The following ANK2 variants were observed in gnomAD, a reference collection of about 807,000 sequenced individuals.
ANK2 encodes ankyrin-2.
In ANK2, 83 loss-of-function variants were observed where a neutral mutation model predicts 360.5. The observed-to-expected ratio is 0.23, with a 90% confidence interval of 0.19 to 0.28. ANK2 has a LOEUF of 0.28. ANK2 is among the 10% of genes least tolerant of loss of function. ANK2 has a pLI of 1.00. For missense variants in ANK2, 4,201 were observed against 4,795.7 expected, an observed-to-expected ratio of 0.88 and a Z score of 3.66; for synonymous variants, 1,740 against 1,759.5, an observed-to-expected ratio of 0.99 and a Z score of 0.28.
chr4:112,796,797 A>C, the ANK2 span, among the ~76,000 whole-genome samples: 1 of 152,178 alleles, frequency 6.6e-6, no homozygotes, highest in Non-Finnish European at 1.5e-5. Flanking sequence ...GAAAGTGTTT[A>C]ACAATGATCA....
intron 22 of ANK2, among the ~76,000 whole-genome samples, chr4:113,297,967 G>A (rs1005141450): frequency 6.6e-6 from 1 of 151,962 alleles, no homozygotes; most frequent in African/African-American, 2.4e-5. Flanking sequence ...GTATTGTTTT[G>A]TAGAGACGGG....
Position 113,232,245 on chromosome 4 carries a change from A to G in ANK2, c.469A>G (p.Ser157Gly). Residue 157 changes from serine to glycine, a missense_variant, in exon 5 of 46, where the codon AGC becomes GGC. Physicochemically the swap from Ser to Gly is moderately conservative, Grantham distance 56 (BLOSUM62 0). Coordinates refer to ENST00000357077, the MANE Select transcript of ANK2 (RefSeq NM_001148.6). ...TTTGCTGGAAAATGGAGCTAATCAGAGCACTGCTACAGAGGTAAGACTGTC... is the reference window on the plus strand; with the variant it reads ...TTTGCTGGAAAATGGAGCTAATCAGGGCACTGCTACAGAGGTAAGACTGTC... ...KYLLENGANQ[S>G]TATEDGFTPL... 6.3e-7 allele frequency: 1 copy of G among 1,588,856 alleles called. No individual in the cohort carries two copies. The highest frequency in any genetic ancestry group is 8.6e-7 in the Non-Finnish European group (1 of 1,157,210).
At chr4:112,995,583 A>T (rs1348591368) in intron 2 of ANK2, among the ~76,000 whole-genome samples, 3 of 152,184 alleles carry the variant, frequency 2.0e-5, no homozygotes, top group Non-Finnish European at 4.4e-5. Context: ...GCTGTGCAGA[A>T]GCTCTTTAGT....
chr4:113,378,120 G>A (rs1207389094), intron 45 of ANK2: 1 of 1,279,854 alleles, frequency 7.8e-7, no homozygotes. Context: ...CCACATGAAA[G>A]TCCACTTACC....
chr4:112,967,423 C>A (rs375860391), intron 2 of ANK2, among the ~76,000 whole-genome samples: 16 of 152,346 alleles, frequency 1.1e-4, no homozygotes, highest in African/African-American at 3.8e-4. Flanking sequence ...GCGTAATAAC[C>A]TTTTCCCTCA....
intron 1 of ANK2, among the ~76,000 whole-genome samples, chr4:112,819,457 A>C (rs1342468129): frequency 6.6e-6 from 1 of 152,232 alleles, no homozygotes; most frequent in Non-Finnish European, 1.5e-5. Context: ...TTAGGCATTG[A>C]AGAAACTTTT....
Position 113,360,714 on chromosome 4 carries a change from T to C in ANK2, c.10682-109T>C. The C allele has an allele frequency of 3.2e-6, 3 of 929,920 alleles. No individual in the cohort carries two copies. In the South Asian group the frequency reaches 4.2e-5, roughly 13 times the overall value. The allele number at this position is 929,920 out of a possible 1,614,324, so 57.6% of individuals were successfully genotyped here. A position where few individuals can be genotyped will look rare whatever the true frequency, so the allele number is the denominator to read the frequency against. On this transcript the variant is annotated intron_variant, in intron 38 of 45. Transcript: ENST00000357077. ...GATCTGAAATGTAGTATCTAGTTTGTGCTTTCAAATATTTGGAGAAGTGAC... is the reference window on the plus strand; with the variant it reads ...GATCTGAAATGTAGTATCTAGTTTGCGCTTTCAAATATTTGGAGAAGTGAC...
In ANK2 at chr4:113,335,920, G is replaced by A; in HGVS notation, c.3454G>A (p.Ala1152Thr). Residue 1152 changes from alanine to threonine, a missense_variant, in exon 30 of 46, where the codon GCA becomes ACA. Ala to Thr is a moderately conservative substitution (Grantham distance 58). Around this residue, in one of 4 missense-constraint regions of ANK2, gnomAD observed 1,268 missense variants for 1,650.8 expected, o/e 0.77. Coordinates refer to ENST00000357077, the MANE Select transcript of ANK2 (RefSeq NM_001148.6). ...CACCCGAGACTTCCCACAGTACTTTGCAGTGGTGTCTCGTATCAAACAGGA... is the reference window on the plus strand; with the variant it reads ...CACCCGAGACTTCCCACAGTACTTTACAGTGGTGTCTCGTATCAAACAGGA... ...IITRDFPQYF[A>T]VVSRIKQDSN... The A allele has an allele frequency of 6.2e-7, 1 of 1,614,156 alleles. No homozygotes were observed. The highest frequency in any genetic ancestry group is 8.5e-7 in the Non-Finnish European group (1 of 1,180,024).
chr4:112,981,204 G>C (rs1382562912), intron 2 of ANK2, among the ~76,000 whole-genome samples: 1 of 152,254 alleles, frequency 6.6e-6, no homozygotes, highest in African/African-American at 2.4e-5. Context: ...ACTGGCATAT[G>C]ATTAAGGGAA....
chr4:112,772,797 G>A, the ANK2 span, among the ~76,000 whole-genome samples: 4 of 152,242 alleles, frequency 2.6e-5, no homozygotes, highest in East Asian at 7.7e-4. Flanking sequence ...TTAGCTGTTG[G>A]TGCAGTTGCT....
chr4:112,797,218 T>C, the ANK2 span: 1 of 156,134 alleles, frequency 6.4e-6, no homozygotes. Flanking sequence ...CACTCTCTTC[T>C]TCCTGTAGAC....
chr4:112,933,302 C>T (rs2093423422), intron 2 of ANK2, among the ~76,000 whole-genome samples: 1 of 152,140 alleles, frequency 6.6e-6, no homozygotes, highest in Admixed American at 6.5e-5. Flanking sequence ...CTTTACAAGT[C>T]TCCCTCTGCT....
chr4:113,162,977 T>C (rs1282728515), intron 1 of ANK2, among the ~76,000 whole-genome samples: 1 of 152,174 alleles, frequency 6.6e-6, no homozygotes, highest in African/African-American at 2.4e-5. Flanking sequence ...GCTTGAGAAA[T>C]TGAAAGCTAT....
intron 1 of ANK2, among the ~76,000 whole-genome samples, chr4:113,156,389 A>T (rs62313836): frequency 1.4e-5 from 2 of 137,934 alleles, no homozygotes; most frequent in African/African-American, 5.4e-5. Flanking sequence ...TTTGTTTTTG[A>T]GACAGAGTTT....
chr4:112,705,910 C>A, the ANK2 span, among the ~76,000 whole-genome samples: 1 of 151,384 alleles, frequency 6.6e-6, no homozygotes, highest in Non-Finnish European at 1.5e-5. Flanking sequence ...CCCGGCCCGC[C>A]GCGGCCCCGA....
intron 32 of ANK2, 108 bp downstream of exon 32, chr4:113,339,430 G>C: frequency 2.2e-6 from 2 of 894,950 alleles, no homozygotes; most frequent in South Asian, 2.8e-5. Context: ...TTTTTCATTG[G>C]ATTTTAAATA....
chr4:113,005,006 T>C (rs1165379723), intron 2 of ANK2, among the ~76,000 whole-genome samples: 1 of 152,134 alleles, frequency 6.6e-6, no homozygotes, highest in Non-Finnish European at 1.5e-5. Flanking sequence ...AACTAAGACA[T>C]GAAAACAATA....
chr4:113,240,683 T>G, intron 8 of ANK2, 100 bp downstream of exon 8: 1 of 1,040,452 alleles, frequency 9.6e-7, no homozygotes, highest in Admixed American at 1.9e-5. Flanking sequence ...TTTACTTCTT[T>G]TTCCTTACCT....
the ANK2 span, among the ~76,000 whole-genome samples, chr4:112,775,544 C>CACACACACACACACACACACACACACAA: frequency 6.6e-6 from 1 of 151,332 alleles, no homozygotes; most frequent in Non-Finnish European, 1.5e-5. Context: ...CACACACACA[C>CACACACACACACACACACACACACACAA]AAGAAAAAAA....
Sources: allele counts gnomAD v4.1 joint callset (sites outside exome capture counted in the v4.1 genomes callset), GRCh38; gene constraint gnomAD v4.1.1; regional missense constraint gnomAD v4.1.1; transcripts MANE v1.5; gene names NCBI Gene and HGNC (gene_info 2026-07-23, HGNC 2026-07-21).